The following RGL1 variants were observed in gnomAD, a reference collection of about 807,000 sequenced individuals.
RGL1 encodes ral guanine nucleotide dissociation stimulator-like 1.
In RGL1, 24 loss-of-function variants were observed where a neutral mutation model predicts 95.2. The observed-to-expected ratio is 0.25, with a 90% CI of 0.18 to 0.35. The LOEUF (loss-of-function observed/expected upper bound fraction) is 0.35. RGL1 is among the 10% of genes least tolerant of loss of function. The pLI is 1.00. For synonymous variants in RGL1, 329 were observed against 344.9 expected (o/e 0.95, Z 0.51); for missense variants, 715 against 936.3 (o/e 0.76, Z 3.08).
intron 2 of RGL1, among the ~76,000 whole-genome samples, chr1:183,778,929 C>T (rs1050954166): frequency 1.3e-5 from 2 of 152,112 alleles, no homozygotes; most frequent in Non-Finnish European, 2.9e-5. Flanking sequence ...AAGAGATGGT[C>T]CTGTGCCAAC....
intron 1 of RGL1, among the ~76,000 whole-genome samples, chr1:183,694,482 A>G (rs1654143434): frequency 6.6e-6 from 1 of 152,224 alleles, no homozygotes; most frequent in Non-Finnish European, 1.5e-5. Context: ...ATGAGATAAT[A>G]TTAACTGAAA....
intron 1 of RGL1, among the ~76,000 whole-genome samples, chr1:183,695,613 T>A (rs750618920): frequency 6.6e-6 from 1 of 152,230 alleles, no homozygotes; most frequent in Non-Finnish European, 1.5e-5. Context: ...AAGTTTAAAA[T>A]AATAGAAATG....
intron 2 of RGL1, among the ~76,000 whole-genome samples, chr1:183,779,158 C>CCCTTCCTTCCTTCCTTCCTTCCTT (rs34992555): frequency 4.4e-5 from 4 of 91,766 alleles, no homozygotes; most frequent in South Asian, 4.2e-4. Context: ...TCAAAATTTT[C>CCCTTCCTTCCTTCCTTCCTTCCTT]CCTTCCTTCC....
At chr1:183,726,981 AAAATATAGGAG>A in intron 1 of RGL1, among the ~76,000 whole-genome samples, 1 of 152,246 alleles carries the variant, frequency 6.6e-6, no homozygotes, top group South Asian at 2.1e-4. Flanking sequence ...ATTTGTTTTG[AAAATATAGGAG>A]AAATACTTTT....
intron 3 of RGL1, among the ~76,000 whole-genome samples, chr1:183,857,591 C>G (rs1249312886): frequency 6.6e-6 from 1 of 152,092 alleles, no homozygotes; most frequent in Non-Finnish European, 1.5e-5. Context: ...ACACTCAGCT[C>G]CAGGAAGCAT....
intron 7 of RGL1, among the ~76,000 whole-genome samples, chr1:183,886,222 A>G (rs980495545): frequency 2.6e-5 from 4 of 152,200 alleles, no homozygotes; most frequent in Non-Finnish European, 5.9e-5. Flanking sequence ...GTCTGTTATT[A>G]CAGACTTCTT....
chr1:183,692,934 A>G (rs1182179339), intron 1 of RGL1, among the ~76,000 whole-genome samples: 2 of 151,996 alleles, frequency 1.3e-5, no homozygotes, highest in Non-Finnish European at 2.9e-5. Flanking sequence ...AAAGCAAAAA[A>G]TGCTAGCAGG....
At chr1:183,723,257 T>C (rs1026242377) in intron 1 of RGL1, among the ~76,000 whole-genome samples, 3 of 152,232 alleles carry the variant, frequency 2.0e-5, no homozygotes, top group African/African-American at 7.2e-5. Context: ...GCAAGATGGC[T>C]GAATAGAAGC....
At chr1:183,648,265 C>A (rs762920894) in intron 1 of RGL1, 3 of 1,614,188 alleles carry the variant, frequency 1.9e-6, no homozygotes, top group South Asian at 2.2e-5. Flanking sequence ...CTCCGGAGAG[C>A]TTCGCGGTTC....
intron 1 of RGL1, among the ~76,000 whole-genome samples, chr1:183,719,336 G>A (rs1655846380): frequency 6.6e-6 from 1 of 152,176 alleles, no homozygotes; most frequent in African/African-American, 2.4e-5. Context: ...TCTCCTCCTT[G>A]TAGTTCATTG....
intron 16 of RGL1, among the ~76,000 whole-genome samples, chr1:183,921,837 G>A (rs1558296836): frequency 6.6e-6 from 1 of 152,196 alleles, no homozygotes; most frequent in Non-Finnish European, 1.5e-5. Context: ...TGTAACCAGT[G>A]CCATAGAAGC....
At chr1:183,759,204 G>A (rs559104921) in intron 2 of RGL1, among the ~76,000 whole-genome samples, 48 of 152,314 alleles carry the variant, frequency 3.2e-4, no homozygotes, top group African/African-American at 1.1e-3. Flanking sequence ...GGGAAGACAC[G>A]ATTGTGGTCA....
At chr1:183,636,223 G>T (rs1649523014) in exon 1 of RGL1, 1 of 399,382 alleles carries the variant, frequency 2.5e-6, no homozygotes, top group Non-Finnish European at 4.4e-6. Flanking sequence ...GGCTGTGGGT[G>T]GGATGGACTG....
At chr1:183,789,954 A>G (rs1183248333) in intron 2 of RGL1, among the ~76,000 whole-genome samples, 3 of 151,048 alleles carry the variant, frequency 2.0e-5, no homozygotes, top group Non-Finnish European at 4.4e-5. Flanking sequence ...ACGGAGTCTC[A>G]CTCTTGCCCA....
intron 2 of RGL1, among the ~76,000 whole-genome samples, chr1:183,844,580 G>A (rs1422588118): frequency 6.6e-6 from 1 of 151,890 alleles, no homozygotes; most frequent in Non-Finnish European, 1.5e-5. Context: ...AGTTTTTTTT[G>A]GAACTAGTGT....
intron 7 of RGL1, among the ~76,000 whole-genome samples, chr1:183,886,170 A>C (rs1458115400): frequency 6.6e-6 from 1 of 152,158 alleles, no homozygotes; most frequent in African/African-American, 2.4e-5. Context: ...TAAAGAGCAG[A>C]GACACAATTG....
chr1:183,656,591 C>A (rs1651183818), intron 1 of RGL1, among the ~76,000 whole-genome samples: 1 of 152,160 alleles, frequency 6.6e-6, no homozygotes, highest in Non-Finnish European at 1.5e-5. Context: ...CCTTATGTTG[C>A]TTTCCTTTTT....
At chr1:183,894,705 T>A (rs1667594453) in intron 9 of RGL1, among the ~76,000 whole-genome samples, 1 of 152,174 alleles carries the variant, frequency 6.6e-6, no homozygotes, top group Non-Finnish European at 1.5e-5. Context: ...TTTATTTTAT[T>A]TTTTGTAGAT....
intron 1 of RGL1, among the ~76,000 whole-genome samples, chr1:183,662,624 T>C (rs965304737): frequency 7.9e-5 from 12 of 152,186 alleles, no homozygotes; most frequent in African/African-American, 2.9e-4. Flanking sequence ...ATCATAAAAA[T>C]GGCCATACTG....
Sources: allele counts gnomAD v4.1 joint callset (sites outside exome capture counted in the v4.1 genomes callset), GRCh38; gene constraint gnomAD v4.1.1; transcripts MANE v1.5; gene names NCBI Gene and HGNC (gene_info 2026-07-23, HGNC 2026-07-21).